ZNF782: variants seen among roughly 807,000 people sequenced by gnomAD.
ZNF782 encodes the protein zinc finger protein 782.
ZNF782 carries 12 observed loss-of-function variants against 13.0 expected under a neutral mutation model. The observed-to-expected ratio is 0.92, with a 90% CI of 0.59 to 1.50. The LOEUF is 1.50. Ranked by LOEUF, ZNF782 falls within the 40% of genes most tolerant of loss-of-function variation. The pLI, the probability that ZNF782 is intolerant of heterozygous loss-of-function variation, is 0.00. For synonymous variants in ZNF782, 284 were observed against 283.0 expected (o/e 1.00, Z -0.04); for missense variants, 770 against 822.9 (o/e 0.94, Z 0.79).
intron 4 of ZNF782, among the ~76,000 whole-genome samples, chr9:96,834,663 C>G (rs1299608905): frequency 6.6e-6 from 1 of 152,188 alleles, no homozygotes; most frequent in South Asian, 2.1e-4. Context: ...TTGGGACTTC[C>G]CAGCCACCAG....
chr9:96,818,065 TC>T lies in ZNF782; in HGVS notation c.1957del (p.Glu653LysfsTer59). On this transcript the variant is annotated frameshift_variant, in exon 6 of 6. Transcript: ENST00000481138. LOFTEE classifies it low-confidence loss of function (END_TRUNC). ...EKPYNCNQCGEAFSQKSNLRV... is the reference protein window; with the variant it reads ...EKPYNCNQCGXAFSQKSNLRV... ...GAGATTGGATTTCTGACTGAAAGCTTCCCCACACTGATTACAATTATATGGT... is the reference window on the plus strand; with the variant it reads ...GAGATTGGATTTCTGACTGAAAGCTTCCCACACTGATTACAATTATATGGT... 6.2e-7 allele frequency: 1 copy of T among 1,614,056 alleles called. No homozygotes were observed. Among genetic ancestry groups the T allele is most frequent in the Non-Finnish European group, 8.5e-7 (1 of 1,180,008 alleles).
At chr9:96,933,135 G>A in the ZNF782 span, among the ~76,000 whole-genome samples, 1 of 151,218 alleles carries the variant, frequency 6.6e-6, no homozygotes, top group Non-Finnish European at 1.5e-5. Flanking sequence ...CCGCCACCAT[G>A]CCCGGCTAAT....
At chr9:96,866,422 G>A (rs1373339567) in intron 1 of ZNF782, among the ~76,000 whole-genome samples, 1 of 152,200 alleles carries the variant, frequency 6.6e-6, no homozygotes, top group Non-Finnish European at 1.5e-5. Context: ...GTGCACAGAA[G>A]TCAAGAATTG....
the ZNF782 span, among the ~76,000 whole-genome samples, chr9:96,921,827 G>A: frequency 6.6e-6 from 1 of 150,934 alleles, no homozygotes; most frequent in African/African-American, 2.4e-5. Context: ...CCAACTAGCT[G>A]GGATCACAGG....
At chr9:96,835,424 C>T (rs1850960776) in intron 4 of ZNF782, among the ~76,000 whole-genome samples, 1 of 152,176 alleles carries the variant, frequency 6.6e-6, no homozygotes, top group Non-Finnish European at 1.5e-5. Context: ...AAGGTCAAAA[C>T]AATGGGAAAA....
the ZNF782 span, among the ~76,000 whole-genome samples, chr9:96,912,890 A>G: frequency 0.11 from 15,493 of 146,458 alleles, 369 homozygotes; most frequent in East Asian, 0.46. Flanking sequence ...TGATATATGC[A>G]TGAAACAATG....
chr9:96,903,017 G>C, the ZNF782 span: 2 of 148,980 alleles, frequency 1.3e-5, no homozygotes, highest in East Asian at 2.3e-4. Context: ...TGCCCACGCT[G>C]GTCTTAAAAC....
At chr9:96,864,922 T>G (rs1851739760) in intron 1 of ZNF782, among the ~76,000 whole-genome samples, 1 of 149,804 alleles carries the variant, frequency 6.7e-6, no homozygotes, top group Admixed American at 6.6e-5. Context: ...GACATGAGCC[T>G]GTAGTCCCAG....
rs1851465459 is a variant in ZNF782, at chr9:96,850,890, CAAT to C, written c.15+1054_15+1056del. On this transcript the variant is annotated intron_variant, in intron 3 of 5. Transcript: ENST00000481138. The surrounding 1 kb of genome is among the most constrained non-coding windows in gnomAD (Gnocchi z 4.3). ...AATCTTTCCAGTTTTAGTAAACATA[CAAT>C]ATTATGAAAACTTTTGCATCTTAAT... is the stretch of plus-strand genomic sequence containing the variant. Among the ~76,000 whole-genome samples the C allele has an allele frequency of 6.6e-6, 1 of 152,006 alleles. No individual in the cohort carries two copies. Among genetic ancestry groups the C allele is most frequent in the Non-Finnish European group, 1.5e-5 (1 of 67,980 alleles).
intron 1 of ZNF782, among the ~76,000 whole-genome samples, chr9:96,866,221 G>A (rs1851752353): frequency 6.6e-6 from 1 of 152,188 alleles, no homozygotes; most frequent in East Asian, 1.9e-4. Flanking sequence ...CAGGCCTGGA[G>A]GTTTAAGAGG....
At chr9:96,841,243 T>C (rs1851179733) in intron 4 of ZNF782, among the ~76,000 whole-genome samples, 1 of 151,960 alleles carries the variant, frequency 6.6e-6, no homozygotes, top group African/African-American at 2.4e-5. Flanking sequence ...CTTAAATAAA[T>C]TGATTTGTAA....
intron 3 of ZNF782, among the ~76,000 whole-genome samples, chr9:96,851,118 T>C (rs1451374116): frequency 6.6e-6 from 1 of 152,136 alleles, no homozygotes; most frequent in Non-Finnish European, 1.5e-5. Flanking sequence ...TGTACATCTA[T>C]AACTTAATGC....
rs116216924 is a variant in ZNF782, at chr9:96,840,619, C to G, written c.142+4271G>C. Among the ~76,000 whole-genome samples the G allele has an allele frequency of 3.3e-3, 509 of 152,018 alleles. 4 individuals carry two copies. Among genetic ancestry groups the G allele is most frequent in the African/African-American group, 0.012 (486 of 41,512 alleles). On this transcript the variant is annotated intron_variant, in intron 4 of 5. Coordinates refer to ENST00000481138, the MANE Select transcript of ZNF782 (RefSeq NM_001001662.3). ...TATCAAAAAGTGGATATTAATTAAA[C>G]AGTTGTTAAGTTTTAATTGCATTTC... is the stretch of plus-strand genomic sequence containing the variant.
the ZNF782 span, chr9:96,887,330 GAAGGAAGGAAGAAAGAAAGA>G: frequency 6.2e-4 from 86 of 138,106 alleles, no homozygotes; most frequent in Middle Eastern, 3.8e-3. Flanking sequence ...AGGAAGGAAG[GAAGGAAGGAAGAAAGAAAGA>G]AAGATACGAA....
chr9:96,927,045 G>C, the ZNF782 span, among the ~76,000 whole-genome samples: 86 of 152,210 alleles, frequency 5.7e-4, no homozygotes, highest in Middle Eastern at 3.4e-3. Flanking sequence ...CACAGAACAT[G>C]AGTGCTCTTT....
chr9:96,909,354 TTC>T, the ZNF782 span, among the ~76,000 whole-genome samples: 3 of 150,832 alleles, frequency 2.0e-5, no homozygotes, highest in Non-Finnish European at 4.4e-5. Context: ...TTTTAAACCA[TTC>T]TCTTTTCTCA....
At chr9:96,833,481 T>C (rs915745749) in intron 4 of ZNF782, among the ~76,000 whole-genome samples, 1 of 152,198 alleles carries the variant, frequency 6.6e-6, no homozygotes, top group Non-Finnish European at 1.5e-5. Flanking sequence ...GTTTATCTGA[T>C]GTTTTCCTCA....
Position 96,818,390 on chromosome 9 carries a change from G to A in ZNF782, c.1633C>T (p.Gln545Ter). Residue 545 changes from glutamine (Q) to a stop codon, truncating the protein, a stop_gained, in exon 6 of 6, where the codon CAG becomes TAG. Coordinates refer to ENST00000481138, the MANE Select transcript of ZNF782 (RefSeq NM_001001662.3). LOFTEE classifies it low-confidence loss of function (END_TRUNC). ...TGATGTCCTCTGAGTTGTGATTTCT[G>A]ACCGAAAGCTTTTCCACACTGATTA... ...KCNQCGKAFG[Q>*]KSQLRGHHRI... 6.2e-7 allele frequency: 1 copy of A among 1,613,278 alleles called. No homozygotes were observed. The highest frequency in any genetic ancestry group is 1.7e-5 in the Admixed American group (1 of 59,936).
the ZNF782 span, among the ~76,000 whole-genome samples, chr9:96,881,416 C>CAGCTTTAG: frequency 6.6e-6 from 1 of 152,036 alleles, no homozygotes; most frequent in South Asian, 2.1e-4. Flanking sequence ...CTTATAAGCA[C>CAGCTTTAG]AGCTTTAGGT....
Sources: allele counts gnomAD v4.1 joint callset (sites outside exome capture counted in the v4.1 genomes callset), GRCh38; gene constraint gnomAD v4.1.1; non-coding constraint Gnocchi (gnomAD v3.1); transcripts MANE v1.5; gene names NCBI Gene and HGNC (gene_info 2026-07-23, HGNC 2026-07-21).